Variants in FAP observed in about 807,000 individuals in gnomAD.
FAP encodes prolyl endopeptidase FAP.
FAP carries 110 observed loss-of-function variants against 126.5 expected under a neutral mutation model. The ratio of observed to expected loss-of-function variants is 0.87; its 90% CI spans 0.74 to 1.02. The LOEUF is 1.02. Ranked by LOEUF, FAP falls within the 50% of genes least tolerant of loss-of-function variation. The pLI is 0.00. For missense variants in FAP, 919 were observed against 909.2 expected (o/e 1.01, Z -0.14); for synonymous variants, 334 against 297.3 (o/e 1.12, Z -1.27).
At chr2:162,224,735 G>A (rs1433129526) in intron 4 of FAP, among the ~76,000 whole-genome samples, 195 bp from the exon 5 acceptor site, 1 of 152,034 alleles carries the variant, frequency 6.6e-6, no homozygotes, top group Non-Finnish European at 1.5e-5. Context: ...AAGGATGCAA[G>A]AGATAATATA....
At chr2:162,205,969 G>A (rs2106253854) in intron 12 of FAP, among the ~76,000 whole-genome samples, 1 of 152,178 alleles carries the variant, frequency 6.6e-6, no homozygotes, top group Non-Finnish European at 1.5e-5. Context: ...ACTTTTTAAA[G>A]GGCTTTGTTC....
chr2:162,216,429 A>T (rs1689163883), intron 9 of FAP, among the ~76,000 whole-genome samples: 1 of 152,126 alleles, frequency 6.6e-6, no homozygotes, highest in Admixed American at 6.5e-5. Context: ...AATGAAAGAC[A>T]CTTTTTGCTT....
At chr2:162,215,790 G>C in intron 10 of FAP, 108 bp downstream of exon 10, 4 of 746,968 alleles carry the variant, frequency 5.4e-6, no homozygotes, top group Non-Finnish European at 8.9e-6. Flanking sequence ...TATGTCTTTA[G>C]CTTTGTGTGC....
At chr2:162,195,861 A>C (rs772283509) in intron 16 of FAP, among the ~76,000 whole-genome samples, 18 of 150,408 alleles carry the variant, frequency 1.2e-4, no homozygotes, top group African/African-American at 3.7e-4. Context: ...TTGCCACCCC[A>C]CCCCCCCCAG....
At chr2:162,175,135 C>A in intron 21 of FAP, 169 bp from the exon 22 acceptor site, 5 of 539,558 alleles carry the variant, frequency 9.3e-6, no homozygotes, top group Non-Finnish European at 1.3e-5. Flanking sequence ...AGATAAATGA[C>A]CAGACATAAT....
intron 16 of FAP, chr2:162,197,854 T>C (rs915300801): frequency 5.9e-6 from 2 of 338,330 alleles, no homozygotes. Flanking sequence ...AATACCTTTT[T>C]CCAAGTACTC....
chr2:162,191,206 G>T (rs79845001), intron 17 of FAP, among the ~76,000 whole-genome samples: 48 of 152,142 alleles, frequency 3.2e-4, no homozygotes, highest in Middle Eastern at 3.4e-3. Flanking sequence ...GACAGTATCC[G>T]GGTGTTGTCA....
chr2:162,202,202 T>C (rs1312664499), intron 14 of FAP, among the ~76,000 whole-genome samples: 1 of 152,220 alleles, frequency 6.6e-6, no homozygotes, highest in Non-Finnish European at 1.5e-5. Flanking sequence ...TTATCATAAA[T>C]GATTATTTGA....
At chr2:162,219,305 TA>T (rs1689287661) in intron 7 of FAP, 122 bp from the exon 8 acceptor site, 1 of 914,896 alleles carries the variant, frequency 1.1e-6, no homozygotes, top group African/African-American at 1.7e-5. Flanking sequence ...GATTCACAAC[TA>T]AAATACCATT....
chr2:162,210,032 G>A (rs751853130), intron 11 of FAP, 36 bp from the exon 12 acceptor site: 23 of 1,592,786 alleles, frequency 1.4e-5, no homozygotes, highest in African/African-American at 4.0e-5. Context: ...CATAGTATTA[G>A]GAGAACATTT....
chr2:162,194,582 A>G, intron 17 of FAP, 119 bp downstream of exon 17: 1 of 813,964 alleles, frequency 1.2e-6, no homozygotes, highest in Non-Finnish European at 2.1e-6. Flanking sequence ...ATGTGATAAC[A>G]GGATTCCATC....
In FAP at chr2:162,173,137, C is replaced by T. The variant is rs367870693; in HGVS notation, c.2107+12G>A. 9.3e-6 allele frequency: 15 copies of T among 1,609,750 alleles called. No homozygotes were observed. The highest frequency in any genetic ancestry group is 1.2e-5 in the Non-Finnish European group (14 of 1,176,176). ...AGTATTTTTATGTGTAAGAGTCTTG[C>T]TTAAACCTCACCATCTGCTGTTCCG... is the stretch of plus-strand genomic sequence containing the variant. On this transcript the variant is annotated intron_variant, in intron 24 of 25. Transcript: ENST00000188790.
intron 20 of FAP, among the ~76,000 whole-genome samples, chr2:162,186,786 C>A (rs368406536): frequency 6.6e-6 from 1 of 151,932 alleles, no homozygotes; most frequent in African/African-American, 2.4e-5. Flanking sequence ...TAAAAAAAGT[C>A]CCCCATGGAA....
In FAP at chr2:162,188,194, C is replaced by T. The variant is rs980159602; in HGVS notation, c.1789G>A (p.Val597Ile). 1.9e-6 allele frequency: 3 copies of T among 1,613,012 alleles called. No homozygotes were observed. The Admixed American group carries it at 5.0e-5, about 27-fold the overall frequency. Residue 597 changes from valine to isoleucine, a missense_variant, in exon 20 of 26, where the codon GTT (valine) becomes ATT (isoleucine). Val to Ile is a conservative substitution (Grantham distance 29, BLOSUM62 3). Transcript: ENST00000188790. ...AVYRKLGVYE[V>I]EDQITAVRKF... ...CTGACAGCTGTAATCTGGTCTTCAA[C>T]TTCATAAACACCCAGCTTTCGATAC...
intron 21 of FAP, chr2:162,175,268 A>C (rs907316583): frequency 5.8e-6 from 1 of 172,556 alleles, no homozygotes; most frequent in African/African-American, 2.4e-5. Context: ...CAAAAAAAAA[A>C]TTCTCATTTT....
intron 17 of FAP, among the ~76,000 whole-genome samples, chr2:162,190,875 G>C (rs1195907968): frequency 1.3e-5 from 2 of 152,002 alleles, no homozygotes; most frequent in African/African-American, 2.4e-5. Context: ...ATGGCATTTT[G>C]CTCCAACATG....
rs143107015 is a variant in FAP at position 162,218,076 on chromosome 2, C to T, written c.672G>A (p.Ala224=). 6.8e-5 allele frequency: 109 copies of T among 1,606,806 alleles called. No individual in the cohort carries two copies. Among genetic ancestry groups the T allele is most frequent in the Admixed American group, 1.0e-4 (6 of 59,228 alleles). The change falls in exon 9 of 26, where the codon GCG becomes GCA. Residue 224 remains alanine, a synonymous_variant. Coordinates refer to ENST00000188790, the MANE Select transcript of FAP (RefSeq NM_004460.5). ...CTGGTATATCCGTATCATTAAATTC[C>T]GCATATGCCAAAAATTTTCCATTAG... ...WSPNGKFLAY[A]EFNDTDIPVI...
intron 17 of FAP, chr2:162,193,517 G>A (rs1007176475): frequency 1.3e-5 from 2 of 152,110 alleles, no homozygotes; most frequent in Non-Finnish European, 2.9e-5. Context: ...AAAAAGAAAG[G>A]CTGGCTATTA....
intron 11 of FAP, 120 bp downstream of exon 11, chr2:162,213,818 C>T: frequency 1.1e-6 from 1 of 913,138 alleles, no homozygotes; most frequent in East Asian, 2.6e-5. Context: ...TTTTGCAAAG[C>T]AGTTGGCAGT....
Sources: gnomAD v4.1 joint callset for allele counts (sites outside exome capture counted in the v4.1 genomes callset) on GRCh38, gnomAD v4.1.1 for gene constraint, MANE v1.5 for transcripts, NCBI Gene and HGNC (gene_info 2026-07-23, HGNC 2026-07-21) for gene names.